The following RAPGEF4 variants were observed in gnomAD, a reference collection of about 807,000 sequenced individuals.
RAPGEF4 encodes RAP guanine-nucleotide-exchange factor (GEF) 4.
A neutral mutation model predicts 147.9 loss-of-function variants in RAPGEF4; 66 were observed. The observed-to-expected ratio is 0.45, with a 90% confidence interval of 0.37 to 0.55. The LOEUF (loss-of-function observed/expected upper bound fraction) is 0.55, where lower values mean the gene tolerates loss of function less well. RAPGEF4 is among the 20% of genes least tolerant of loss of function. The pLI is 0.00. For missense variants in RAPGEF4, 1,071 were observed against 1,257.3 expected (o/e 0.85, Z 2.24); for synonymous variants, 419 against 442.7 (o/e 0.95, Z 0.67).
At chr2:172,965,283 C>G (rs1339545335) in intron 8 of RAPGEF4, 2 of 401,760 alleles carry the variant, frequency 5.0e-6, no homozygotes, top group Non-Finnish European at 9.0e-6. Flanking sequence ...GACAATCTCC[C>G]CCTCTAGCGG....
intron 6 of RAPGEF4, among the ~76,000 whole-genome samples, chr2:172,956,875 G>T (rs1273640006): frequency 6.6e-6 from 1 of 152,196 alleles, no homozygotes; most frequent in Non-Finnish European, 1.5e-5. Flanking sequence ...AAATTCATCA[G>T]ATCAAGTCTG....
chr2:172,934,743 T>A (rs1686366945), intron 6 of RAPGEF4, among the ~76,000 whole-genome samples: 3 of 145,978 alleles, frequency 2.1e-5, no homozygotes, highest in Non-Finnish European at 3.0e-5. Context: ...ATGGTTGCAG[T>A]AAAAAAAAAA....
At chr2:172,928,430 C>T (rs1280864276) in intron 6 of RAPGEF4, 1 of 302,806 alleles carries the variant, frequency 3.3e-6, no homozygotes, top group Non-Finnish European at 6.5e-6. Context: ...TACTCTAGAA[C>T]TCTGATCCTT....
chr2:172,838,065 T>TAGAATACCAGA (rs1691159556), intron 4 of RAPGEF4, among the ~76,000 whole-genome samples: 1 of 152,144 alleles, frequency 6.6e-6, no homozygotes, highest in African/African-American at 2.4e-5. Context: ...AGCACCCTCT[T>TAGAATACCAGA]AGAATACCAG....
At chr2:172,773,250 T>C (rs779597881) in intron 1 of RAPGEF4, among the ~76,000 whole-genome samples, 39 of 152,326 alleles carry the variant, frequency 2.6e-4, no homozygotes, top group African/African-American at 9.1e-4. Context: ...TAACAAACTA[T>C]AATTATGAAC....
chr2:172,902,669 C>A (rs372704143), intron 4 of RAPGEF4, among the ~76,000 whole-genome samples: 1 of 152,284 alleles, frequency 6.6e-6, no homozygotes, highest in East Asian at 1.9e-4. Context: ...TTATTGACAC[C>A]TCCTAGCCTT....
intron 26 of RAPGEF4, among the ~76,000 whole-genome samples, chr2:173,032,731 T>G (rs923692019): frequency 2.0e-5 from 3 of 152,168 alleles, no homozygotes; most frequent in Admixed American, 6.5e-5. Context: ...GGGACTAGTT[T>G]TTAGAAACAA....
intron 1 of RAPGEF4, among the ~76,000 whole-genome samples, chr2:172,768,946 C>T (rs370193964): frequency 3.9e-5 from 6 of 152,142 alleles, no homozygotes; most frequent in Admixed American, 1.3e-4. Context: ...AACTGAATAC[C>T]ATCATGAGAC....
intron 3 of RAPGEF4, among the ~76,000 whole-genome samples, chr2:172,806,015 CTGTGTGTGTGTGTGTGTGTGTGTG>C (rs36226317): frequency 6.9e-6 from 1 of 145,324 alleles, no homozygotes; most frequent in Non-Finnish European, 1.5e-5. Context: ...TATTATCCGG[CTGTGTGTGTGTGTGTGTGTGTGTG>C]TGTGTGTGTG....
At chr2:172,915,685 C>G (rs954736499) in intron 4 of RAPGEF4, among the ~76,000 whole-genome samples, 4 of 108,418 alleles carry the variant, frequency 3.7e-5, no homozygotes, top group Non-Finnish European at 6.9e-5. Flanking sequence ...GCCTGGGCAA[C>G]AGAGTGAGAC....
chr2:172,932,338 G>A (rs186013784), intron 6 of RAPGEF4, among the ~76,000 whole-genome samples: 10 of 152,164 alleles, frequency 6.6e-5, no homozygotes, highest in Admixed American at 6.5e-4. Flanking sequence ...GCATGGTCTG[G>A]TCTGCAAGTC....
At chr2:172,992,873 T>C (rs1213775464) in intron 15 of RAPGEF4, among the ~76,000 whole-genome samples, 1 of 152,024 alleles carries the variant, frequency 6.6e-6, no homozygotes, top group African/African-American at 2.4e-5. Flanking sequence ...TCTCAAGGGG[T>C]CATTTTCCAT....
At chr2:173,041,754 G>A (rs2106044678) in intron 29 of RAPGEF4, among the ~76,000 whole-genome samples, 1 of 152,282 alleles carries the variant, frequency 6.6e-6, no homozygotes, top group South Asian at 2.1e-4. Context: ...TCCAGTCCAA[G>A]TTGGTGAGAC....
At chr2:172,783,218 G>A (rs899239499) in intron 1 of RAPGEF4, among the ~76,000 whole-genome samples, 3 of 152,142 alleles carry the variant, frequency 2.0e-5, no homozygotes, top group Non-Finnish European at 4.4e-5. Flanking sequence ...TCCATCGGCC[G>A]AGGACAGAGT....
intron 6 of RAPGEF4, among the ~76,000 whole-genome samples, chr2:172,958,366 C>A (rs1688952298): frequency 6.6e-6 from 1 of 152,160 alleles, no homozygotes; most frequent in Non-Finnish European, 1.5e-5. Flanking sequence ...GGCTTAAGAA[C>A]CTGGGAACTC....
chr2:172,849,616 C>T (rs746643232), intron 4 of RAPGEF4, among the ~76,000 whole-genome samples: 2 of 152,286 alleles, frequency 1.3e-5, no homozygotes, highest in South Asian at 2.1e-4. Context: ...TCTTTGTACA[C>T]GAAGGCACAG....
intron 29 of RAPGEF4, among the ~76,000 whole-genome samples, chr2:173,037,752 G>A (rs1407704960): frequency 6.6e-6 from 1 of 152,162 alleles, no homozygotes; most frequent in African/African-American, 2.4e-5. Flanking sequence ...ATGAGGTTCA[G>A]TACACAGTTT....
chr2:172,844,258 T>G (rs563130301), intron 4 of RAPGEF4, among the ~76,000 whole-genome samples: 31 of 152,164 alleles, frequency 2.0e-4, no homozygotes, highest in Admixed American at 3.9e-4. Context: ...AAACCTCATC[T>G]CGATGTGCTG....
chr2:172,807,002 C>T (rs1012957208), intron 3 of RAPGEF4, among the ~76,000 whole-genome samples: 3 of 152,144 alleles, frequency 2.0e-5, no homozygotes, highest in Non-Finnish European at 4.4e-5. Context: ...CATTTCACTC[C>T]GTTATTTTCA....
Sources: gnomAD v4.1 joint callset for allele counts (sites outside exome capture counted in the v4.1 genomes callset) on GRCh38, gnomAD v4.1.1 for gene constraint, MANE v1.5 for transcripts, NCBI Gene and HGNC (gene_info 2026-07-23, HGNC 2026-07-21) for gene names.